Variants in RAD18 observed in about 807,000 individuals in gnomAD.
The protein encoded by RAD18 is RAD18 E3 ubiquitin protein ligase.
RAD18 carries 47 observed loss-of-function variants against 60.4 expected under a neutral mutation model. That is an observed-to-expected ratio of 0.78 (90% CI 0.62 to 0.99). RAD18 has a LOEUF of 0.99. RAD18 is among the 50% of genes least tolerant of loss of function. The pLI is 0.00. For synonymous variants in RAD18, 225 were observed against 195.5 expected (o/e 1.15, Z -1.26); for missense variants, 640 against 593.3 (o/e 1.08, Z -0.82).
chr3:8,907,394 TAAAC>T (rs756246417), intron 9 of RAD18, among the ~76,000 whole-genome samples: 9 of 152,182 alleles, frequency 5.9e-5, no homozygotes, highest in African/African-American at 9.7e-5. Context: ...ATGACCCACA[TAAAC>T]AAAGGCTCTT....
intron 1 of RAD18, among the ~76,000 whole-genome samples, chr3:8,961,311 G>C (rs924478273): frequency 6.6e-6 from 1 of 152,160 alleles, no homozygotes; most frequent in Non-Finnish European, 1.5e-5. Context: ...AATTTCTTTA[G>C]TTTAGAGAGA....
intron 12 of RAD18, among the ~76,000 whole-genome samples, chr3:8,888,845 C>A (rs183538366): frequency 6.6e-6 from 1 of 152,164 alleles, no homozygotes; most frequent in Non-Finnish European, 1.5e-5. Flanking sequence ...TTTCTAAGTG[C>A]TTTCTGGTAG....
chr3:8,909,746 G>A (rs549287235), intron 9 of RAD18, among the ~76,000 whole-genome samples: 30 of 152,240 alleles, frequency 2.0e-4, no homozygotes, highest in South Asian at 4.1e-4. Context: ...TCTATACCAG[G>A]GGTGTCCAAT....
At chr3:8,949,571 A>T (rs1318988348) in intron 2 of RAD18, among the ~76,000 whole-genome samples, 2 of 152,228 alleles carry the variant, frequency 1.3e-5, no homozygotes, top group East Asian at 1.9e-4. Context: ...CTCTGTCCTA[A>T]CAAGTAAAAA....
At chr3:8,923,985 G>A (rs1327649516) in intron 7 of RAD18, among the ~76,000 whole-genome samples, 3 of 152,146 alleles carry the variant, frequency 2.0e-5, no homozygotes, top group Non-Finnish European at 4.4e-5. Context: ...GACCATCAAG[G>A]CTAGGAAGAA....
In RAD18 at chr3:8,952,177, T is replaced by C. The variant is rs556152633; in HGVS notation, c.134-3607A>G. 3.9e-5 allele frequency among the ~76,000 whole-genome samples: 6 copies of C among 152,242 alleles called. No homozygotes were observed. The South Asian group carries it at 1.2e-3, about 32-fold the overall frequency. On this transcript the variant is annotated intron_variant, in intron 2 of 12. Coordinates refer to ENST00000264926, the MANE Select transcript of RAD18 (RefSeq NM_020165.4). ...TCTTCTCAAATGCAAAATACATCCA[T>C]CCCATCTCAACAGCCCCAAAAGTCT... is the stretch of plus-strand genomic sequence containing the variant.
chr3:8,892,456 C>T (rs555524036), intron 11 of RAD18, among the ~76,000 whole-genome samples: 3 of 152,306 alleles, frequency 2.0e-5, no homozygotes, highest in African/African-American at 7.2e-5. Context: ...GAATTCCCAA[C>T]CTTGGTCCAG....
At chr3:8,932,132 A>G (rs1407089870) in intron 7 of RAD18, among the ~76,000 whole-genome samples, 1 of 152,236 alleles carries the variant, frequency 6.6e-6, no homozygotes, top group East Asian at 1.9e-4. Context: ...GTATACATAA[A>G]AAATCATGAA....
At chr3:8,918,074 T>C (rs1405443912) in intron 7 of RAD18, among the ~76,000 whole-genome samples, 1 of 152,086 alleles carries the variant, frequency 6.6e-6, no homozygotes, top group Admixed American at 6.5e-5. Context: ...TCCCAGCACT[T>C]TGGGAGGCCG....
Position 8,880,598 on chromosome 3 carries a change from T to G in RAD18, c.*759A>C, listed in dbSNP as rs1939440608. 6.6e-6 allele frequency: 1 copy of G among 152,232 alleles called. No individual in the cohort carries two copies. Among genetic ancestry groups the G allele is most frequent in the South Asian group, 2.1e-4 (1 of 4,822 alleles). 9.4% of individuals were successfully genotyped at this position (152,232 alleles called of 1,614,324 possible). On this transcript the variant is annotated 3_prime_UTR_variant, in exon 13 of 13. Coordinates refer to ENST00000264926, the MANE Select transcript of RAD18 (RefSeq NM_020165.4). ...CTATTCATTTACAAAATTCATTCATTGCATACTTTTTGTTTAATAGCTTGG... is the reference window on the plus strand; with the variant it reads ...CTATTCATTTACAAAATTCATTCATGGCATACTTTTTGTTTAATAGCTTGG...
intron 7 of RAD18, among the ~76,000 whole-genome samples, chr3:8,931,828 A>G (rs1238211012): frequency 6.6e-6 from 1 of 152,246 alleles, no homozygotes; most frequent in Non-Finnish European, 1.5e-5. Context: ...AATAGATTCT[A>G]GATAGATTCA....
intron 12 of RAD18, among the ~76,000 whole-genome samples, chr3:8,883,805 G>A (rs1939512420): frequency 6.6e-6 from 1 of 152,056 alleles, no homozygotes; most frequent in Non-Finnish European, 1.5e-5. Flanking sequence ...TAGGCTTTTT[G>A]GTTAGCATAT....
intron 7 of RAD18, among the ~76,000 whole-genome samples, chr3:8,928,517 T>G (rs1025152954): frequency 6.6e-6 from 1 of 152,118 alleles, no homozygotes; most frequent in Admixed American, 6.6e-5. Flanking sequence ...GATAGATTTT[T>G]GAGGCAAGGA....
At chr3:8,961,365 A>G (rs748298496) in intron 1 of RAD18, among the ~76,000 whole-genome samples, 3 of 152,240 alleles carry the variant, frequency 2.0e-5, no homozygotes, top group Non-Finnish European at 2.9e-5. Context: ...GAAAAACGTA[A>G]TAATTACAAA....
chr3:8,897,602 T>G (rs927718545), intron 11 of RAD18, among the ~76,000 whole-genome samples: 4 of 152,184 alleles, frequency 2.6e-5, no homozygotes, highest in African/African-American at 9.7e-5. Context: ...CCTTCTAAGT[T>G]TGAATCTTTT....
chr3:8,922,678 A>G (rs1940346431), intron 7 of RAD18, among the ~76,000 whole-genome samples: 1 of 152,208 alleles, frequency 6.6e-6, no homozygotes, highest in Non-Finnish European at 1.5e-5. Flanking sequence ...GTAGGGGCAG[A>G]CTGACACCTC....
intron 7 of RAD18, among the ~76,000 whole-genome samples, chr3:8,922,862 G>A (rs1192947595): frequency 1.3e-5 from 2 of 152,210 alleles, no homozygotes; most frequent in East Asian, 1.9e-4. Context: ...GGTCCTGACT[G>A]TTAGAAGGAA....
intron 4 of RAD18, among the ~76,000 whole-genome samples, chr3:8,942,248 A>G (rs745791625): frequency 1.3e-5 from 2 of 152,124 alleles, no homozygotes; most frequent in Non-Finnish European, 2.9e-5. Context: ...TGTCCTTGTA[A>G]CAGTGAGTGA....
intron 7 of RAD18, among the ~76,000 whole-genome samples, chr3:8,918,083 C>T (rs182597061): frequency 1.1e-3 from 164 of 151,976 alleles, no homozygotes; most frequent in African/African-American, 3.6e-3. Context: ...TTTGGGAGGC[C>T]GAGGCGAGTG....
Sources: allele counts gnomAD v4.1 joint callset (sites outside exome capture counted in the v4.1 genomes callset), GRCh38; gene constraint gnomAD v4.1.1; transcripts MANE v1.5; gene names NCBI Gene and HGNC (gene_info 2026-07-23, HGNC 2026-07-21).